Variants in OSBPL6 observed in about 807,000 individuals in gnomAD.
The protein encoded by OSBPL6 is oxysterol-binding protein-related protein 6.
OSBPL6 carries 49 observed loss-of-function variants against 125.8 expected under a neutral mutation model. The ratio of observed to expected loss-of-function variants is 0.39; its 90% confidence interval spans 0.31 to 0.49. The LOEUF is 0.49. OSBPL6 is among the 20% of genes least tolerant of loss of function. The probability of loss-of-function intolerance (pLI) is 0.88; values close to 1 mark genes in which losing one functional copy is unlikely to be tolerated. For missense variants in OSBPL6, 986 were observed against 1,135.4 expected, an observed-to-expected ratio of 0.87 and a Z score of 1.89; for synonymous variants, 394 against 391.8, an observed-to-expected ratio of 1.01 and a Z score of -0.07.
chr2:178,315,919 C>T (rs979506178), intron 3 of OSBPL6, among the ~76,000 whole-genome samples: 2 of 152,120 alleles, frequency 1.3e-5, no homozygotes, highest in Non-Finnish European at 2.9e-5. Flanking sequence ...ACTATAAAAA[C>T]GTCATCCCAA....
intron 9 of OSBPL6, among the ~76,000 whole-genome samples, chr2:178,337,021 C>G (rs769593865): frequency 2.2e-4 from 33 of 152,200 alleles, no homozygotes; most frequent in Non-Finnish European, 4.1e-4. Flanking sequence ...ACCTGCTTCT[C>G]TCATACTGCC....
In OSBPL6 at chr2:178,218,821, GGTTTTGTCAT is replaced by G. The variant is rs202110370; in HGVS notation, c.-351+24151_-351+24160del. Among the ~76,000 whole-genome samples the G allele has an allele frequency of 8.0e-3, 1,219 of 151,780 alleles. 23 individuals carry two copies. Among genetic ancestry groups the G allele is most frequent in the East Asian group, 0.075 (387 of 5,150 alleles). ...ATTTTTGTATTTTTAGTAGAGATGG[GGTTTTGTCAT>G]GTTGTCCAGGCTAGTCTTGAACTCC... On this transcript the variant is annotated intron_variant, in intron 1 of 24. Coordinates refer to ENST00000190611, the MANE Select transcript of OSBPL6 (RefSeq NM_032523.4).
intron 1 of OSBPL6, among the ~76,000 whole-genome samples, chr2:178,212,348 G>A (rs2089900327): frequency 6.6e-6 from 1 of 152,162 alleles, no homozygotes; most frequent in Non-Finnish European, 1.5e-5. Flanking sequence ...TAGGGGCCAG[G>A]GCACTCTTCT....
At chr2:178,261,899 G>C (rs183496072) in intron 1 of OSBPL6, among the ~76,000 whole-genome samples, 6 of 152,240 alleles carry the variant, frequency 3.9e-5, no homozygotes, top group Admixed American at 1.3e-4. Flanking sequence ...AGATTGGCTG[G>C]GTACAAACCC....
chr2:178,254,481 A>G (rs1033160378), intron 1 of OSBPL6, among the ~76,000 whole-genome samples: 3 of 152,192 alleles, frequency 2.0e-5, no homozygotes, highest in Admixed American at 6.5e-5. Flanking sequence ...AAAGCAGACT[A>G]AGACAGACAC....
At chr2:178,351,673 G>T (rs1456406291) in intron 12 of OSBPL6, among the ~76,000 whole-genome samples, 2 of 152,178 alleles carry the variant, frequency 1.3e-5, no homozygotes, top group Admixed American at 6.5e-5. Context: ...AAAAGAACAA[G>T]ATCACGTGTT....
intron 1 of OSBPL6, among the ~76,000 whole-genome samples, chr2:178,201,587 A>G (rs1196825274): frequency 2.0e-5 from 3 of 152,214 alleles, no homozygotes; most frequent in African/African-American, 7.2e-5. Flanking sequence ...TAACTAGCAG[A>G]TTAGTCTTTC....
chr2:178,247,449 T>C (rs1281826319), intron 1 of OSBPL6, among the ~76,000 whole-genome samples: 1 of 152,198 alleles, frequency 6.6e-6, no homozygotes, highest in Non-Finnish European at 1.5e-5. Flanking sequence ...CTGATGTGTT[T>C]CTATTCCTAG....
Position 178,394,359 on chromosome 2 carries a change from A to C in OSBPL6, c.2620A>C (p.Arg874=). 1 of 1,613,772 alleles carries C rather than the reference A, an allele frequency of 6.2e-7. No individual in the cohort carries two copies. Among genetic ancestry groups the C allele is most frequent in the Non-Finnish European group, 8.5e-7 (1 of 1,179,884 alleles). Residue 874 remains arginine (R), a synonymous_variant, in exon 24 of 25, where the codon AGA becomes CGA. Coordinates refer to ENST00000190611, the MANE Select transcript of OSBPL6 (RefSeq NM_032523.4). ...AGAAGCTGCAGCATCAGAGAAGCAAAGAGTAGAGGAACTCCAGAGATCTCG... is the reference window on the plus strand; with the variant it reads ...AGAAGCTGCAGCATCAGAGAAGCAACGAGTAGAGGAACTCCAGAGATCTCG... The part of the protein sequence containing the change: ...NLEAAASEKQ[R]VEELQRSRRR...
chr2:178,294,995 A>G (rs1685618113), intron 2 of OSBPL6, among the ~76,000 whole-genome samples: 1 of 151,456 alleles, frequency 6.6e-6, no homozygotes, highest in African/African-American at 2.4e-5. Context: ...TTTATCCTTC[A>G]GGTGGATCTT....
intron 11 of OSBPL6, among the ~76,000 whole-genome samples, chr2:178,341,975 G>T (rs557482147): frequency 3.3e-5 from 5 of 152,020 alleles, no homozygotes; most frequent in African/African-American, 1.2e-4. Flanking sequence ...TCAGTATTTT[G>T]CCTAGAGAGA....
chr2:178,345,947 A>G (rs974591607), intron 11 of OSBPL6, among the ~76,000 whole-genome samples: 1 of 152,226 alleles, frequency 6.6e-6, no homozygotes, highest in Admixed American at 6.5e-5. Context: ...AAAAGAAGAA[A>G]TCATTAATGC....
chr2:178,356,475 A>T (rs1039348999), intron 12 of OSBPL6, among the ~76,000 whole-genome samples: 1 of 152,128 alleles, frequency 6.6e-6, no homozygotes, highest in African/African-American at 2.4e-5. Context: ...TCATGAGTGA[A>T]CTCCCATTCA....
chr2:178,256,111 A>G (rs1559168322), intron 1 of OSBPL6, among the ~76,000 whole-genome samples: 1 of 152,246 alleles, frequency 6.6e-6, no homozygotes. Context: ...GGGCTGATAC[A>G]GAAGCTTTCT....
At chr2:178,213,248 G>A (rs894730825) in intron 1 of OSBPL6, among the ~76,000 whole-genome samples, 1 of 151,910 alleles carries the variant, frequency 6.6e-6, no homozygotes, top group African/African-American at 2.4e-5. Flanking sequence ...ATCAAGTTCT[G>A]ACTCTCTGCT....
chr2:178,236,058 T>C (rs1574578334), intron 1 of OSBPL6, among the ~76,000 whole-genome samples: 1 of 152,224 alleles, frequency 6.6e-6, no homozygotes, highest in East Asian at 1.9e-4. Context: ...TTTTTACAAG[T>C]TGTATTCTCA....
intron 11 of OSBPL6, 99 bp from the exon 12 acceptor site, chr2:178,349,125 G>T (rs73032582): frequency 1.4e-5 from 18 of 1,241,922 alleles, no homozygotes; most frequent in Admixed American, 8.6e-5. Context: ...TATCAGAGAG[G>T]AATCTATTAT....
At chr2:178,266,445 G>C (rs1414009449) in intron 1 of OSBPL6, among the ~76,000 whole-genome samples, 2 of 152,226 alleles carry the variant, frequency 1.3e-5, no homozygotes, top group South Asian at 2.1e-4. Flanking sequence ...CCTTTGAACA[G>C]TGAAAGAACC....
chr2:178,266,851 T>A (rs2092247252), intron 1 of OSBPL6, among the ~76,000 whole-genome samples: 1 of 152,214 alleles, frequency 6.6e-6, no homozygotes, highest in Non-Finnish European at 1.5e-5. Context: ...CTGGTACTTT[T>A]AAATCTTTTC....
Sources: gnomAD v4.1 joint callset for allele counts (sites outside exome capture counted in the v4.1 genomes callset) on GRCh38, gnomAD v4.1.1 for gene constraint, MANE v1.5 for transcripts, NCBI Gene and HGNC (gene_info 2026-07-23, HGNC 2026-07-21) for gene names.